The following NOS1AP variants were observed in gnomAD, a reference collection of about 807,000 sequenced individuals.
The protein encoded by NOS1AP is nitric oxide synthase 1 adaptor protein, also known as carboxyl-terminal PDZ ligand of neuronal nitric oxide synthase protein.
A neutral mutation model predicts 56.2 loss-of-function variants in NOS1AP; 21 were observed. That is an observed-to-expected ratio of 0.37 (90% confidence interval 0.26 to 0.54). NOS1AP has a LOEUF of 0.54. Ranked by LOEUF, NOS1AP falls within the 20% of genes least tolerant of loss-of-function variation. NOS1AP has a pLI of 0.84. For synonymous variants in NOS1AP, 270 were observed against 274.6 expected (o/e 0.98, Z 0.17); for missense variants, 522 against 657.8 (o/e 0.79, Z 2.26).
chr1:162,266,437 A>G (rs1654427763), intron 2 of NOS1AP, among the ~76,000 whole-genome samples: 2 of 152,230 alleles, frequency 1.3e-5, no homozygotes, highest in Non-Finnish European at 2.9e-5. Flanking sequence ...TAGGTGTTAG[A>G]TGGATGTGGC....
At chr1:162,161,111 T>C (rs1232704040) in intron 2 of NOS1AP, among the ~76,000 whole-genome samples, 1 of 152,190 alleles carries the variant, frequency 6.6e-6, no homozygotes, top group Non-Finnish European at 1.5e-5. Flanking sequence ...TCGCCTTTGG[T>C]TATAAGGTCC....
intron 2 of NOS1AP, among the ~76,000 whole-genome samples, chr1:162,209,083 T>G (rs1391491902): frequency 6.6e-6 from 1 of 152,226 alleles, no homozygotes; most frequent in African/African-American, 2.4e-5. Flanking sequence ...AACAATTGAT[T>G]AAAAGAATAA....
intron 4 of NOS1AP, among the ~76,000 whole-genome samples, chr1:162,302,319 A>G (rs1344585903): frequency 6.6e-6 from 1 of 152,228 alleles, no homozygotes; most frequent in African/African-American, 2.4e-5. Context: ...GGATAAATGC[A>G]TTGAATTAAT....
intron 2 of NOS1AP, among the ~76,000 whole-genome samples, chr1:162,190,755 C>A (rs1651598576): frequency 6.6e-6 from 1 of 150,508 alleles, no homozygotes; most frequent in South Asian, 2.1e-4. Flanking sequence ...CTCCCTATTA[C>A]CCTCTTCCCC....
intron 2 of NOS1AP, among the ~76,000 whole-genome samples, chr1:162,172,907 G>C (rs755669046): frequency 2.8e-5 from 4 of 141,928 alleles, no homozygotes; most frequent in Non-Finnish European, 6.0e-5. Flanking sequence ...CCAAACACAA[G>C]TTCACCCTTG....
At chr1:162,227,471 T>G (rs1652982880) in intron 2 of NOS1AP, among the ~76,000 whole-genome samples, 1 of 152,190 alleles carries the variant, frequency 6.6e-6, no homozygotes, top group Non-Finnish European at 1.5e-5. Context: ...ACTTAGCACA[T>G]GACAGGAGAT....
intron 1 of NOS1AP, among the ~76,000 whole-genome samples, chr1:162,115,177 A>G (rs1248912452): frequency 6.6e-6 from 1 of 152,194 alleles, no homozygotes; most frequent in African/African-American, 2.4e-5. Context: ...CAAAACTAGT[A>G]ATGGTTGTTA....
At chr1:162,304,108 T>C (rs1273095886) in intron 4 of NOS1AP, among the ~76,000 whole-genome samples, 1 of 152,176 alleles carries the variant, frequency 6.6e-6, no homozygotes, top group Non-Finnish European at 1.5e-5. Context: ...TTTAAGTTTA[T>C]GTGTATAATC....
chr1:162,139,127 A>G (rs555951731), intron 1 of NOS1AP, among the ~76,000 whole-genome samples: 207 of 152,196 alleles, frequency 1.4e-3, no homozygotes, highest in African/African-American at 4.7e-3. Context: ...ACTCCGCCCT[A>G]GTGTCTACCT....
intron 5 of NOS1AP, among the ~76,000 whole-genome samples, chr1:162,338,316 C>T (rs1264279206): frequency 6.6e-6 from 1 of 152,134 alleles, no homozygotes; most frequent in African/African-American, 2.4e-5. Context: ...AAGAACCTTA[C>T]TTGAAAGATG....
chr1:162,184,179 G>C (rs967789266), intron 2 of NOS1AP, among the ~76,000 whole-genome samples: 1 of 152,160 alleles, frequency 6.6e-6, no homozygotes, highest in Admixed American at 6.5e-5. Context: ...GGAGAGAGAT[G>C]GGGGAATGGC....
intron 2 of NOS1AP, among the ~76,000 whole-genome samples, chr1:162,160,458 T>C (rs558317562): frequency 6.6e-6 from 1 of 152,276 alleles, no homozygotes; most frequent in East Asian, 1.9e-4. Flanking sequence ...TAGGAGAACA[T>C]CCAGGGACTG....
chr1:162,360,187 G>A (rs1467494742), intron 8 of NOS1AP, among the ~76,000 whole-genome samples: 2 of 152,140 alleles, frequency 1.3e-5, no homozygotes, highest in African/African-American at 2.4e-5. Context: ...TGACCTTAAA[G>A]GTATATGGGC....
At chr1:162,076,177 G>A (rs1361999840) in intron 1 of NOS1AP, among the ~76,000 whole-genome samples, 1 of 151,982 alleles carries the variant, frequency 6.6e-6, no homozygotes, top group Non-Finnish European at 1.5e-5. Flanking sequence ...TTGTTGCCTT[G>A]AGGATGCTCT....
intron 2 of NOS1AP, among the ~76,000 whole-genome samples, chr1:162,163,919 C>T (rs905130930): frequency 2.0e-5 from 3 of 152,180 alleles, no homozygotes; most frequent in Admixed American, 2.0e-4. Flanking sequence ...TTTGGTTCTG[C>T]TCTGGAAGTG....
At chr1:162,207,124 G>A (rs1173063239) in intron 2 of NOS1AP, among the ~76,000 whole-genome samples, 1 of 152,242 alleles carries the variant, frequency 6.6e-6, no homozygotes, top group Non-Finnish European at 1.5e-5. Flanking sequence ...AAAAGAAGCT[G>A]TTTGCTGCTG....
At chr1:162,130,657 GAGA>G (rs1177799908) in intron 1 of NOS1AP, among the ~76,000 whole-genome samples, 1 of 152,180 alleles carries the variant, frequency 6.6e-6, no homozygotes, top group Non-Finnish European at 1.5e-5. Flanking sequence ...GCTTTTTATA[GAGA>G]AGAATGAGAC....
At chr1:162,268,620 A>G (rs897956217) in intron 2 of NOS1AP, among the ~76,000 whole-genome samples, 1 of 152,216 alleles carries the variant, frequency 6.6e-6, no homozygotes, top group African/African-American at 2.4e-5. Context: ...ACCAAAATAA[A>G]TAGAAGGAGG....
At chr1:162,348,170 C>A (rs924199933) in intron 6 of NOS1AP, among the ~76,000 whole-genome samples, 1 of 152,180 alleles carries the variant, frequency 6.6e-6, no homozygotes, top group Non-Finnish European at 1.5e-5. Context: ...GTGAGTGTGG[C>A]AAGGAGTACA....
Sources: gnomAD v4.1 joint callset for allele counts (sites outside exome capture counted in the v4.1 genomes callset) on GRCh38, gnomAD v4.1.1 for gene constraint, MANE v1.5 for transcripts, NCBI Gene and HGNC (gene_info 2026-07-23, HGNC 2026-07-21) for gene names.